The following NDP variants were observed in gnomAD, a reference collection of about 807,000 sequenced individuals.
NDP encodes norrin cystine knot growth factor NDP, also known as norrin.
Under a neutral mutation model 8.4 loss-of-function variants are expected in NDP, and 2 were observed. The ratio of observed to expected loss-of-function variants is 0.24; its 90% confidence interval spans 0.10 to 0.75. The LOEUF (loss-of-function observed/expected upper bound fraction) is 0.75, where lower values mean the gene tolerates loss of function less well. NDP is among the 30% of genes least tolerant of loss of function. The pLI is 0.73. For synonymous variants in NDP, 55 were observed against 45.6 expected (o/e 1.21, Z -0.83); for missense variants, 81 against 110.1 (o/e 0.74, Z 1.18).
At chrX:43,967,438 GTGTACCTCCATTT>G (rs950642841) in intron 1 of NDP, among the ~76,000 whole-genome samples, 26 of 89,918 alleles carry the variant, frequency 2.9e-4, no homozygotes, top group Non-Finnish European at 4.9e-4. Flanking sequence ...GTACAAATGT[GTGTACCTCCATTT>G]TACTTCGAGT....
chrX:43,962,958 C>T (rs780705099), intron 1 of NDP, among the ~76,000 whole-genome samples: 1 of 112,046 alleles, frequency 8.9e-6, no homozygotes, highest in East Asian at 2.8e-4. Flanking sequence ...GGTGTTGTGC[C>T]CACAGATCAG....
intron 1 of NDP, among the ~76,000 whole-genome samples, chrX:43,970,367 G>A (rs1324492154): frequency 8.9e-6 from 1 of 112,375 alleles, no homozygotes; most frequent in Non-Finnish European, 1.9e-5. Flanking sequence ...GAAGAGGTGA[G>A]GATGGGCTCG....
At chrX:43,971,002 GA>G (rs1302917827) in intron 1 of NDP, among the ~76,000 whole-genome samples, 1 of 112,126 alleles carries the variant, frequency 8.9e-6, no homozygotes, top group Non-Finnish European at 1.9e-5. Flanking sequence ...TAAATGGAAA[GA>G]AAACCCACTG....
At chrX:43,960,341 C>T (rs924211673) in intron 1 of NDP, among the ~76,000 whole-genome samples, 1 of 111,364 alleles carries the variant, frequency 9.0e-6, no homozygotes, top group African/African-American at 3.3e-5. Flanking sequence ...TCTGCTGTCC[C>T]TTTGTGTTCT....
In NDP at chrX:43,964,338, G is replaced by A. The variant is rs144024696; in HGVS notation, c.-207-5486C>T. Among the ~76,000 whole-genome samples, 486 of 111,001 alleles carry A rather than the reference G, an allele frequency of 4.4e-3. 2 individuals are homozygous for A. The highest frequency in any genetic ancestry group is 7.9e-3 in the Non-Finnish European group (417 of 52,942). ...ATGAATTACAATCCTGGGGTAAATA[G>A]GAGTGCTAAACTGAAGGACTAGAAA... On this transcript the variant is annotated intron_variant, in intron 1 of 2. Coordinates refer to ENST00000642620, the MANE Select transcript of NDP (RefSeq NM_000266.4).
At chrX:43,958,323 T>C (rs370710672) in intron 2 of NDP, 149 bp downstream of exon 2, 29 of 677,502 alleles carry the variant, frequency 4.3e-5, no homozygotes, top group East Asian at 4.1e-4. Flanking sequence ...GGGGAAATTC[T>C]AAAAGCCTCA....
At chrX:43,952,248 T>A (rs772034430) in intron 2 of NDP, among the ~76,000 whole-genome samples, 6 of 110,624 alleles carry the variant, frequency 5.4e-5, no homozygotes, top group African/African-American at 2.0e-4. Flanking sequence ...AGAGAGAGAG[T>A]CCAAGATCTT....
chrX:43,952,065 C>T (rs1216288697), intron 2 of NDP, among the ~76,000 whole-genome samples: 2 of 112,066 alleles, frequency 1.8e-5, no homozygotes, highest in Non-Finnish European at 1.9e-5. Flanking sequence ...GATCATAGCA[C>T]ACTACAGCCT....
At chrX:43,952,272 T>TC (rs2035767587) in intron 2 of NDP, among the ~76,000 whole-genome samples, 1 of 111,462 alleles carries the variant, frequency 9.0e-6, no homozygotes, top group Non-Finnish European at 1.9e-5. Flanking sequence ...TAGTCTGTTC[T>TC]CCCCCCATCT....
At chrX:43,955,834 G>C (rs1336373284) in intron 2 of NDP, among the ~76,000 whole-genome samples, 1 of 110,948 alleles carries the variant, frequency 9.0e-6, no homozygotes, top group Admixed American at 9.6e-5. Flanking sequence ...TTCAGGGCTG[G>C]GATGAACAGT....
intron 1 of NDP, among the ~76,000 whole-genome samples, chrX:43,972,668 C>T (rs1396042238): frequency 8.9e-6 from 1 of 111,916 alleles, no homozygotes; most frequent in Non-Finnish European, 1.9e-5. Context: ...CATCTCCTCC[C>T]GGTGCTCCCC....
Position 43,949,645 on chromosome X carries a change from C to G in NDP, c.*154G>C. The G allele has an allele frequency of 1.9e-6, 1 of 515,334 alleles. No individual in the cohort carries two copies. The allele number at this position is 515,334 out of a possible 1,213,427, so 42.5% of individuals were successfully genotyped here. On this transcript the variant is annotated 3_prime_UTR_variant, in exon 3 of 3. Transcript: ENST00000642620. ...TTCCCAGAGTATCTCTCTCTGTCAA[C>G]AAGCATGTAGAGTCTTTATTACTAG... is the stretch of plus-strand genomic sequence containing the variant.
intron 2 of NDP, among the ~76,000 whole-genome samples, chrX:43,955,510 TA>T (rs1238577306): frequency 4.4e-5 from 5 of 112,648 alleles, no homozygotes; most frequent in Non-Finnish European, 7.5e-5. Flanking sequence ...TCAGTTCTCA[TA>T]GAGATTCCAC....
At chrX:43,962,533 G>T (rs2035832282) in intron 1 of NDP, among the ~76,000 whole-genome samples, 1 of 111,718 alleles carries the variant, frequency 9.0e-6, no homozygotes, top group Non-Finnish European at 1.9e-5. Flanking sequence ...CTGCCTTGTA[G>T]CAGCTTCTGT....
intron 2 of NDP, among the ~76,000 whole-genome samples, chrX:43,958,227 A>G (rs2035806424): frequency 8.9e-6 from 1 of 112,037 alleles, no homozygotes; most frequent in African/African-American, 3.2e-5. Context: ...TAAACATCAC[A>G]GCCAGGGACA....
At chrX:43,954,811 C>A (rs1335314565) in intron 2 of NDP, among the ~76,000 whole-genome samples, 1 of 110,988 alleles carries the variant, frequency 9.0e-6, no homozygotes, top group African/African-American at 3.3e-5. Context: ...TCTTCCAGTT[C>A]CCCACCTGCT....
intron 2 of NDP, 55 bp from the exon 3 acceptor site, chrX:43,950,081 G>C: frequency 9.6e-7 from 1 of 1,039,255 alleles, no homozygotes; most frequent in East Asian, 3.3e-5. Context: ...CCTTAGCCAG[G>C]TAAAACAGCA....
chrX:43,961,842 G>T (rs910893735), intron 1 of NDP, among the ~76,000 whole-genome samples: 1 of 111,293 alleles, frequency 9.0e-6, no homozygotes, highest in Admixed American at 9.6e-5. Context: ...CTTCCAGGGC[G>T]ACCACATAGT....
At chrX:43,964,233 C>A (rs976517994) in intron 1 of NDP, among the ~76,000 whole-genome samples, 1 of 111,536 alleles carries the variant, frequency 9.0e-6, no homozygotes, top group East Asian at 2.8e-4. Flanking sequence ...TGTAGCCAAG[C>A]TCAGCAGTGG....
Sources: gnomAD v4.1 joint callset for allele counts (sites outside exome capture counted in the v4.1 genomes callset) on GRCh38, gnomAD v4.1.1 for gene constraint, MANE v1.5 for transcripts, NCBI Gene and HGNC (gene_info 2026-07-23, HGNC 2026-07-21) for gene names.